RRM2: variants seen among roughly 807,000 people sequenced by gnomAD.
The protein encoded by RRM2 is ribonucleoside-diphosphate reductase subunit M2.
A neutral mutation model predicts 45.9 loss-of-function variants in RRM2; 6 were observed. The observed-to-expected ratio is 0.13, with a 90% CI of 0.07 to 0.26. RRM2 has a LOEUF of 0.26. Among genes scored for constraint, RRM2 ranks in the 10% least tolerant of loss-of-function variants. The pLI is 1.00. For synonymous variants in RRM2, 177 were observed against 173.0 expected, an observed-to-expected ratio of 1.02 and a Z score of -0.18; for missense variants, 343 against 489.5, an observed-to-expected ratio of 0.70 and a Z score of 2.82.
In RRM2 at chr2:10,196,879, G is replaced by A. The variant is rs1006057868; in HGVS notation, n.483-13432G>A. ...TGCCCCCTGATGGGAAGGAGACTGC[G>A]TGGCTGGGGTCCCTGGGAGCGCATC... On this transcript the variant is annotated intron_variant and non_coding_transcript_variant, in intron 3 of 3. Transcript: ENST00000381786. Among the ~76,000 whole-genome samples the A allele has an allele frequency of 5.3e-5, 8 of 152,278 alleles. No homozygotes were observed. In the South Asian group the frequency reaches 1.0e-3, roughly 20 times the overall value.
At chr2:10,142,023 C>T in intron 2 of RRM2, 1 of 1,582,450 alleles carries the variant, frequency 6.3e-7, no homozygotes, top group South Asian at 1.1e-5. Context: ...ATGCCCCTTG[C>T]TCTTTCATGT....
chr2:10,159,981 T>G (rs564521833), intron 3 of RRM2, among the ~76,000 whole-genome samples: 1 of 152,244 alleles, frequency 6.6e-6, no homozygotes, highest in South Asian at 2.1e-4. Flanking sequence ...CCCAGGGCCC[T>G]CGGGGGAAAG....
intron 3 of RRM2, among the ~76,000 whole-genome samples, chr2:10,177,476 C>T (rs1029304955): frequency 6.6e-6 from 1 of 152,090 alleles, no homozygotes. Flanking sequence ...TCTTGTGAAC[C>T]TAAAGGCAAT....
chr2:10,179,215 C>T (rs568163549), intron 3 of RRM2, among the ~76,000 whole-genome samples: 6 of 152,234 alleles, frequency 3.9e-5, no homozygotes, highest in South Asian at 2.1e-4. Context: ...TGTAGTGGCG[C>T]GATCTCAGCT....
In RRM2 at chr2:10,169,610, C is replaced by T. The variant is rs375006280; in HGVS notation, n.482+27235C>T. Among the ~76,000 whole-genome samples, 9 of 152,248 alleles carry T rather than the reference C, an allele frequency of 5.9e-5. No homozygotes were observed. The highest frequency in any genetic ancestry group is 1.7e-4 in the African/African-American group (7 of 41,558). On this transcript the variant is annotated intron_variant and non_coding_transcript_variant, in intron 3 of 3. Coordinates refer to the RRM2 transcript ENST00000381786. The surrounding 1 kb of genome is among the most constrained non-coding windows in gnomAD (Gnocchi z 5.1). The stretch of plus-strand genomic sequence containing the variant: ...CCAGCAGAGGGAGGGCATTTGAAGA[C>T]GGCGGCTGCTCCTTGGAAGCTGGCA...
rs186059773 is a variant in RRM2, at chr2:10,189,162, C to T, written n.483-21149C>T. The stretch of plus-strand genomic sequence containing the variant: ...GCACTGTCTGGCCCCAGAACACACG[C>T]CCTTCCCACCTGGCCGAGGAGGTGC... On this transcript the variant is annotated intron_variant and non_coding_transcript_variant, in intron 3 of 3. Coordinates refer to the RRM2 transcript ENST00000381786. Among the ~76,000 whole-genome samples, 76 of 152,382 alleles carry T rather than the reference C, an allele frequency of 5.0e-4. 2 individuals are homozygous for T. Among genetic ancestry groups the T allele is most frequent in the Admixed American group, 4.9e-3 (75 of 15,306 alleles).
intron 3 of RRM2, among the ~76,000 whole-genome samples, chr2:10,174,409 G>C (rs908650378): frequency 6.6e-6 from 1 of 152,174 alleles, no homozygotes; most frequent in African/African-American, 2.4e-5. Context: ...CGGGCCTTCA[G>C]TGAGCTCCCC....
chr2:10,175,238 A>G (rs1663891870), intron 3 of RRM2, among the ~76,000 whole-genome samples: 1 of 151,898 alleles, frequency 6.6e-6, no homozygotes, highest in African/African-American at 2.4e-5. Flanking sequence ...CCACACTCAC[A>G]CTCTCTTCAG....
chr2:10,147,433 C>T (rs1293641250), intron 3 of RRM2, among the ~76,000 whole-genome samples: 1 of 152,134 alleles, frequency 6.6e-6, no homozygotes, highest in Non-Finnish European at 1.5e-5. Context: ...CATGCACTAC[C>T]ACACCCAGCT....
chr2:10,151,800 C>T (rs775536891), intron 3 of RRM2, among the ~76,000 whole-genome samples: 8 of 152,306 alleles, frequency 5.3e-5, no homozygotes, highest in Middle Eastern at 6.8e-3. Context: ...TTTAGCCCTC[C>T]GAGTGGGTGT....
intron 3 of RRM2, among the ~76,000 whole-genome samples, chr2:10,200,069 G>A (rs1057113786): frequency 2.0e-5 from 3 of 152,114 alleles, no homozygotes; most frequent in Admixed American, 6.6e-5. Flanking sequence ...CTGACCTCAG[G>A]TGATCCACCC....
At chr2:10,181,911 T>C (rs1032126459) in intron 3 of RRM2, among the ~76,000 whole-genome samples, 7 of 150,870 alleles carry the variant, frequency 4.6e-5, no homozygotes, top group Non-Finnish European at 5.9e-5. Flanking sequence ...ACTACAGGAG[T>C]GAGCCACCAC....
intron 3 of RRM2, among the ~76,000 whole-genome samples, chr2:10,179,332 A>G (rs1339077491): frequency 1.3e-5 from 2 of 152,014 alleles, no homozygotes; most frequent in African/African-American, 2.4e-5. Flanking sequence ...TTGTATTTTT[A>G]GTAGAGACAG....
intron 3 of RRM2, among the ~76,000 whole-genome samples, chr2:10,201,117 C>T (rs1442019594): frequency 6.6e-6 from 1 of 150,558 alleles, no homozygotes; most frequent in African/African-American, 2.5e-5. Flanking sequence ...CCACTGCTCT[C>T]CAGCCTGGGG....
chr2:10,149,784 TTGTC>T (rs1345262903), intron 3 of RRM2, among the ~76,000 whole-genome samples: 1 of 152,150 alleles, frequency 6.6e-6, no homozygotes, highest in African/African-American at 2.4e-5. Flanking sequence ...GTCTGTGTGA[TTGTC>T]TGTGTCTGAT....
At chr2:10,141,927 T>C (rs1663089161) in exon 2 of RRM2, 2 of 1,578,238 alleles carry the variant, frequency 1.3e-6, no homozygotes, top group Non-Finnish European at 1.7e-6. Context: ...GTGAGGGAGA[T>C]GGAGACCAAT....
At chr2:10,181,785 A>C (rs1315063394) in intron 3 of RRM2, among the ~76,000 whole-genome samples, 1 of 88,052 alleles carries the variant, frequency 1.1e-5, no homozygotes, top group East Asian at 3.9e-4. Context: ...TTTTTTTAAG[A>C]CAGGGTCTCA....
At chr2:10,149,349 G>A (rs1412802163) in intron 3 of RRM2, among the ~76,000 whole-genome samples, 1 of 152,092 alleles carries the variant, frequency 6.6e-6, no homozygotes, top group African/African-American at 2.4e-5. Context: ...GGCTGGTCTC[G>A]AACTCCTGGC....
chr2:10,165,054 C>A (rs1663650644), intron 3 of RRM2, among the ~76,000 whole-genome samples: 1 of 152,226 alleles, frequency 6.6e-6, no homozygotes, highest in African/African-American at 2.4e-5. Context: ...TGGGCTCAAG[C>A]CATCCTCCCA....
Sources: allele counts gnomAD v4.1 joint callset (sites outside exome capture counted in the v4.1 genomes callset), GRCh38; gene constraint gnomAD v4.1.1; non-coding constraint Gnocchi (gnomAD v3.1); transcripts MANE v1.5; gene names NCBI Gene and HGNC (gene_info 2026-07-23, HGNC 2026-07-21).